RELN: variants seen among roughly 807,000 people sequenced by gnomAD.
RELN encodes reelin.
A neutral mutation model predicts 427.6 loss-of-function variants in RELN; 108 were observed. That is an observed-to-expected ratio of 0.25 (90% CI 0.22 to 0.30). The LOEUF is 0.30. RELN is among the 10% of genes least tolerant of loss of function. The pLI is 1.00. For missense variants in RELN, 3,715 were observed against 4,302.8 expected (o/e 0.86, Z 3.82); for synonymous variants, 1,524 against 1,513.4 (o/e 1.01, Z -0.16).
rs1830943274 is a variant in RELN at position 103,574,134 on chromosome 7, T to C, written c.4469A>G (p.Lys1490Arg). 1 of 1,614,058 alleles carries C rather than the reference T, an allele frequency of 6.2e-7. No homozygotes were observed. Among genetic ancestry groups the C allele is most frequent in the Non-Finnish European group, 8.5e-7 (1 of 1,180,030 alleles). The change falls in exon 30 of 65, where the codon AAA (lysine) becomes AGA (arginine). Residue 1490 changes from lysine to arginine, a missense_variant. Coordinates refer to ENST00000428762, the MANE Select transcript of RELN (RefSeq NM_005045.4). ...GKSLYFNGPG[K>R]REARTVPLDT... is the part of the protein sequence containing the mutation. ...CAGAGGGACCGTCCGGGCTTCCCTT[T>C]TCCCAGGGCCATTGAAGTAGAGAGA...
At chr7:103,888,040 G>A (rs1247563287) in intron 2 of RELN, among the ~76,000 whole-genome samples, 1 of 152,202 alleles carries the variant, frequency 6.6e-6, no homozygotes, top group Middle Eastern at 3.4e-3. Flanking sequence ...GACTCAGACT[G>A]CCAGCATTTT....
rs113430601 is a variant in RELN at position 103,572,147 on chromosome 7, T to C, written c.4588+37A>G. ...GGAGGATAAAGGACTAATCTGCCAA[T>C]AGTAACTGTAATTTCCATGGAAATA... On this transcript the variant is annotated intron_variant, in intron 31 of 64. Coordinates refer to ENST00000428762, the MANE Select transcript of RELN (RefSeq NM_005045.4). 77 of 1,205,200 alleles carry C rather than the reference T, an allele frequency of 6.4e-5. No individual in the cohort carries two copies. The African/African-American group carries it at 7.7e-4, about 12-fold the overall frequency. The allele number at this position is 1,205,200 out of a possible 1,614,324, so 74.7% of individuals were successfully genotyped here. A position where few individuals can be genotyped will look rare whatever the true frequency, so the allele number is the denominator to read the frequency against.
chr7:103,537,310 C>T (rs142824771), intron 45 of RELN, among the ~76,000 whole-genome samples: 1 of 152,256 alleles, frequency 6.6e-6, no homozygotes, highest in Non-Finnish European at 1.5e-5. Context: ...ACAGAGGTGA[C>T]CACTGTGGTT....
intron 5 of RELN, 59 bp downstream of exon 5, chr7:103,753,123 A>G: frequency 6.4e-7 from 1 of 1,566,626 alleles, no homozygotes; most frequent in Non-Finnish European, 8.8e-7. Flanking sequence ...TATAGCCAGA[A>G]AAGCCAAACA....
At chr7:103,708,047 G>C (rs993359144) in intron 8 of RELN, among the ~76,000 whole-genome samples, 1 of 152,106 alleles carries the variant, frequency 6.6e-6, no homozygotes, top group Non-Finnish European at 1.5e-5. Context: ...TGTAAACTTG[G>C]TCTGATCTAG....
At chr7:103,742,334 C>T (rs573947576) in intron 6 of RELN, among the ~76,000 whole-genome samples, 1 of 152,138 alleles carries the variant, frequency 6.6e-6, no homozygotes, top group Admixed American at 6.5e-5. Flanking sequence ...AGCAGAAAAA[C>T]CGGAAACTCT....
At chr7:103,637,183 C>T (rs1832601293) in intron 17 of RELN, among the ~76,000 whole-genome samples, 1 of 152,170 alleles carries the variant, frequency 6.6e-6, no homozygotes. Context: ...GAGAAAACCT[C>T]ATCACAGATG....
At position 103,539,137 on chromosome 7, in the gene RELN, T is replaced by G; in HGVS notation, c.7121A>C (p.Glu2374Ala). The G allele has an allele frequency of 6.2e-7, 1 of 1,614,198 alleles. No individual in the cohort carries two copies. The highest frequency in any genetic ancestry group is 8.5e-7 in the Non-Finnish European group (1 of 1,180,028). Residue 2374 changes from glutamate (E) to alanine (A), a missense_variant, in exon 45 of 65, where the codon GAG (glutamate) becomes GCG (alanine). This residue lies in a region of RELN where 1,310 missense variants were observed against 1,643.0 expected (regional missense o/e 0.80). Coordinates refer to ENST00000428762, the MANE Select transcript of RELN (RefSeq NM_005045.4). The stretch of plus-strand genomic sequence containing the variant: ...GAAGTCTATCTGTAGGAAGGAATCC[T>G]CATTCACGGCAACGTCTGTGCTGAC... ...YVVSTDVAVN[E>A]DSFLQIDFAA...
At chr7:103,552,769 G>A (rs1830441847) in intron 40 of RELN, among the ~76,000 whole-genome samples, 1 of 151,614 alleles carries the variant, frequency 6.6e-6, no homozygotes, top group Admixed American at 6.6e-5. Flanking sequence ...CAAACTCCTG[G>A]GATTACAGGT....
At chr7:103,759,111 T>C (rs1316349146) in intron 4 of RELN, among the ~76,000 whole-genome samples, 1 of 151,984 alleles carries the variant, frequency 6.6e-6, no homozygotes, top group Non-Finnish European at 1.5e-5. Context: ...TTGAAAAAAA[T>C]AGATTGCTTA....
chr7:103,473,759 T>A (rs527931751), intron 64 of RELN, among the ~76,000 whole-genome samples: 16 of 152,350 alleles, frequency 1.1e-4, no homozygotes, highest in African/African-American at 3.8e-4. Context: ...TAAAAAGGAT[T>A]GTGAGCTATA....
Position 103,565,445 on chromosome 7 carries a change from A to G in RELN, c.5043T>C (p.Ser1681=), listed in dbSNP as rs1830728823. The G allele has an allele frequency of 8.1e-6, 13 of 1,614,002 alleles. No individual in the cohort carries two copies. The highest frequency in any genetic ancestry group is 1.1e-5 in the Non-Finnish European group (13 of 1,179,948). Residue 1681 remains serine (S), a synonymous_variant, in exon 34 of 65, where the codon AGT becomes AGC. Coordinates refer to ENST00000428762, the MANE Select transcript of RELN (RefSeq NM_005045.4). ...TGTTCAGAGAATACTGGAGCTGTAC[A>G]CTGTGGGAGTTGCTGAAGGGCTTGC... ...GCSKPFSNSH[S]VQLQYSLNNG... is the part of the protein sequence containing the mutation.
intron 1 of RELN, among the ~76,000 whole-genome samples, chr7:103,931,375 T>C (rs1414950557): frequency 6.6e-6 from 1 of 152,198 alleles, no homozygotes; most frequent in African/African-American, 2.4e-5. Context: ...TCAGCTCTTC[T>C]ATAAAGCATT....
At chr7:103,731,024 A>G (rs1477082261) in intron 6 of RELN, among the ~76,000 whole-genome samples, 2 of 152,126 alleles carry the variant, frequency 1.3e-5, no homozygotes, top group Admixed American at 6.6e-5. Flanking sequence ...TACGTTTCAA[A>G]TGGAAAGGCA....
At chr7:103,637,520 G>C (rs1240145151) in intron 17 of RELN, among the ~76,000 whole-genome samples, 1 of 152,138 alleles carries the variant, frequency 6.6e-6, no homozygotes, top group African/African-American at 2.4e-5. Flanking sequence ...CCAGTTTTAT[G>C]TATATTGGAT....
At chr7:103,712,330 G>C (rs1789824483) in intron 8 of RELN, among the ~76,000 whole-genome samples, 1 of 151,990 alleles carries the variant, frequency 6.6e-6, no homozygotes, top group Non-Finnish European at 1.5e-5. Flanking sequence ...TGAGTAGTTG[G>C]CATAACAAAC....
At chr7:103,960,599 T>A (rs189201145) in intron 1 of RELN, among the ~76,000 whole-genome samples, 1 of 152,324 alleles carries the variant, frequency 6.6e-6, no homozygotes, top group Admixed American at 6.5e-5. Flanking sequence ...AATCAATGAA[T>A]GGATAGAATT....
intron 1 of RELN, among the ~76,000 whole-genome samples, chr7:103,948,465 T>C (rs1322043850): frequency 6.6e-6 from 1 of 152,034 alleles, no homozygotes; most frequent in Admixed American, 6.6e-5. Context: ...CTGAGGTCAA[T>C]AGATGGAGAC....
chr7:103,656,102 T>C (rs777459861), intron 12 of RELN, among the ~76,000 whole-genome samples: 1 of 152,030 alleles, frequency 6.6e-6, no homozygotes, highest in Non-Finnish European at 1.5e-5. Flanking sequence ...AGGTCACCTA[T>C]GAGGCCCATT....
Sources: gnomAD v4.1 joint callset for allele counts (sites outside exome capture counted in the v4.1 genomes callset) on GRCh38, gnomAD v4.1.1 for gene constraint, gnomAD v4.1.1 regional missense constraint, MANE v1.5 for transcripts, NCBI Gene and HGNC (gene_info 2026-07-23, HGNC 2026-07-21) for gene names.